GPC6: variants seen among roughly 807,000 people sequenced by gnomAD.
GPC6 encodes glypican 6, also known as glypican-6.
GPC6 carries 14 observed loss-of-function variants against 55.2 expected under a neutral mutation model. The observed-to-expected ratio is 0.25, with a 90% CI of 0.17 to 0.40. GPC6 has a LOEUF of 0.40. GPC6 is among the 10% of genes least tolerant of loss of function. GPC6 has a pLI of 1.00. For synonymous variants in GPC6, 278 were observed against 259.6 expected, an observed-to-expected ratio of 1.07 and a Z score of -0.68; for missense variants, 641 against 708.5, an observed-to-expected ratio of 0.90 and a Z score of 1.08.
At chr13:94,174,614 A>C (rs1382703243) in intron 4 of GPC6, among the ~76,000 whole-genome samples, 1 of 152,128 alleles carries the variant, frequency 6.6e-6, no homozygotes, top group Admixed American at 6.6e-5. Flanking sequence ...AAAAATACAG[A>C]CATTCTTTTG....
At chr13:94,168,379 G>A (rs1433399589) in intron 4 of GPC6, among the ~76,000 whole-genome samples, 1 of 152,174 alleles carries the variant, frequency 6.6e-6, no homozygotes, top group Non-Finnish European at 1.5e-5. Context: ...CAGCTTGAGG[G>A]AAACAGTCCA....
intron 3 of GPC6, among the ~76,000 whole-genome samples, chr13:93,890,653 G>C (rs1225637634): frequency 1.3e-5 from 2 of 151,216 alleles, no homozygotes; most frequent in Admixed American, 1.3e-4. Context: ...ATTTGTACCA[G>C]ACTGCTTGAA....
chr13:93,564,040 T>C (rs1268466144), intron 2 of GPC6, among the ~76,000 whole-genome samples: 2 of 152,086 alleles, frequency 1.3e-5, no homozygotes, highest in Non-Finnish European at 1.5e-5. Flanking sequence ...CTTTGAGATA[T>C]ATTTCTTTAT....
At chr13:93,268,155 A>C (rs187346287) in intron 1 of GPC6, among the ~76,000 whole-genome samples, 194 of 152,338 alleles carry the variant, frequency 1.3e-3, no homozygotes, top group African/African-American at 4.5e-3. Context: ...CTATAGGGAA[A>C]AAATAATTAT....
At chr13:93,292,503 A>G (rs1437400080) in intron 1 of GPC6, among the ~76,000 whole-genome samples, 2 of 152,236 alleles carry the variant, frequency 1.3e-5, no homozygotes, top group East Asian at 1.9e-4. Flanking sequence ...TACTCTTATA[A>G]ATATGCTCAC....
chr13:93,495,344 G>T (rs924946331), intron 1 of GPC6, among the ~76,000 whole-genome samples: 7 of 147,256 alleles, frequency 4.8e-5, no homozygotes, highest in African/African-American at 1.5e-4. Flanking sequence ...CATTCTTCAC[G>T]TAGTTCTCGA....
chr13:93,697,468 T>G (rs1312324573), intron 2 of GPC6, among the ~76,000 whole-genome samples: 1 of 152,188 alleles, frequency 6.6e-6, no homozygotes, highest in Admixed American at 6.6e-5. Context: ...ATATCTGTTT[T>G]ACTAATTTGA....
intron 2 of GPC6, among the ~76,000 whole-genome samples, chr13:93,738,388 A>G (rs111550171): frequency 6.6e-5 from 10 of 152,234 alleles, no homozygotes; most frequent in African/African-American, 2.2e-4. Context: ...CACAGTGACC[A>G]TAAAGAATGA....
chr13:93,755,478 A>G (rs933854002), intron 2 of GPC6, among the ~76,000 whole-genome samples: 1 of 152,200 alleles, frequency 6.6e-6, no homozygotes, highest in African/African-American at 2.4e-5. Context: ...CCCTATTGTC[A>G]TTTGAAATTC....
chr13:94,363,154 C>T (rs1879133735), intron 6 of GPC6, among the ~76,000 whole-genome samples: 1 of 152,128 alleles, frequency 6.6e-6, no homozygotes, highest in African/African-American at 2.4e-5. Flanking sequence ...AAAACCACCA[C>T]ATATCTGGTG....
At chr13:93,956,760 G>A (rs1364241030) in intron 3 of GPC6, among the ~76,000 whole-genome samples, 1 of 152,106 alleles carries the variant, frequency 6.6e-6, no homozygotes, top group East Asian at 1.9e-4. Context: ...AGATGGCTAG[G>A]CACCCACTTC....
intron 1 of GPC6, among the ~76,000 whole-genome samples, chr13:93,276,479 AGAGAGAGAGAGAGAGAGTGT>A (rs1473036978): frequency 2.2e-5 from 3 of 135,136 alleles, no homozygotes; most frequent in African/African-American, 9.3e-5. Context: ...AGAGAGAGAG[AGAGAGAGAGAGAGAGAGTGT>A]GTGTGTGTGT....
intron 3 of GPC6, among the ~76,000 whole-genome samples, chr13:93,947,408 T>G (rs966838545): frequency 1.1e-4 from 17 of 152,228 alleles, no homozygotes; most frequent in African/African-American, 4.1e-4. Flanking sequence ...AATATTTCAT[T>G]GACTTCTGAT....
At chr13:94,022,638 A>T (rs996740495) in intron 3 of GPC6, among the ~76,000 whole-genome samples, 5 of 151,926 alleles carry the variant, frequency 3.3e-5, no homozygotes, top group Non-Finnish European at 5.9e-5. Context: ...ACTGGTTTTT[A>T]TTTTTAGTTT....
intron 2 of GPC6, among the ~76,000 whole-genome samples, chr13:93,780,967 G>T (rs527694904): frequency 7.2e-5 from 11 of 152,090 alleles, no homozygotes; most frequent in African/African-American, 2.6e-4. Flanking sequence ...ATTTCCAAGG[G>T]TCTTACAGAC....
chr13:93,836,948 T>C (rs985642948), intron 3 of GPC6, among the ~76,000 whole-genome samples: 4 of 152,176 alleles, frequency 2.6e-5, no homozygotes, highest in African/African-American at 7.2e-5. Context: ...TGTATCACAG[T>C]TGAGTCTCCA....
chr13:94,099,096 A>G (rs2138822711), intron 4 of GPC6, among the ~76,000 whole-genome samples: 1 of 152,236 alleles, frequency 6.6e-6, no homozygotes, highest in East Asian at 1.9e-4. Context: ...CTTTCTTATG[A>G]TGAGGATAAA....
intron 1 of GPC6, among the ~76,000 whole-genome samples, chr13:93,517,179 T>C (rs868459891): frequency 4.4e-4 from 67 of 152,258 alleles, no homozygotes; most frequent in African/African-American, 1.4e-3. Context: ...CTTTTCCTCT[T>C]GTACCTTGTG....
In GPC6 at chr13:94,389,528, AG is replaced by A. The variant is rs201495792; in HGVS notation, c.1289+6980del. ...GGCCCTTACCTTTTTGCTCATAAAG[AG>A]GCAGATTCTTGCTTTTTTAGAACAT... is the stretch of plus-strand genomic sequence containing the variant. On this transcript the variant is annotated intron_variant, in intron 7 of 8. Coordinates refer to ENST00000377047, the MANE Select transcript of GPC6 (RefSeq NM_005708.5). 1.6e-3 allele frequency among the ~76,000 whole-genome samples: 241 copies of A among 152,316 alleles called. 3 individuals are homozygous for A. The East Asian group carries it at 0.043, about 27-fold the overall frequency.
Sources: gnomAD v4.1 joint callset for allele counts (sites outside exome capture counted in the v4.1 genomes callset) on GRCh38, gnomAD v4.1.1 for gene constraint, MANE v1.5 for transcripts, NCBI Gene and HGNC (gene_info 2026-07-23, HGNC 2026-07-21) for gene names.